The following GDF7 variants were observed in gnomAD, a reference collection of about 807,000 sequenced individuals.
GDF7 encodes growth/differentiation factor 7.
In GDF7, 12 loss-of-function variants were observed where a neutral mutation model predicts 13.4. That is an observed-to-expected ratio of 0.90 (90% confidence interval 0.57 to 1.45). The LOEUF is 1.45. GDF7 is among the 40% of genes most tolerant of loss of function. The pLI, the probability that GDF7 is intolerant of heterozygous loss-of-function variation, is 0.00. For missense variants in GDF7, 651 were observed against 652.4 expected, an observed-to-expected ratio of 1.00 and a Z score of 0.02; for synonymous variants, 330 against 306.4, an observed-to-expected ratio of 1.08 and a Z score of -0.80.
intron 1 of GDF7, among the ~76,000 whole-genome samples, chr2:20,669,536 G>A (rs1315078937): frequency 6.6e-6 from 1 of 152,250 alleles, no homozygotes; most frequent in African/African-American, 2.4e-5. Context: ...GCCCGCGAAG[G>A]GACAGACAGG....
rs56353595 is a variant in GDF7 at position 20,671,638 on chromosome 2, T to C, written c.*213T>C. On this transcript the variant is annotated 3_prime_UTR_variant, in exon 2 of 2. Transcript: ENST00000272224. ...GTGAAAGCCTTGGGAAGAGATGACC[T>C]GCCGGTACCGAATGTCAAAGCCCTG... is the stretch of plus-strand genomic sequence containing the variant. The C allele has an allele frequency of 0.26, 152,114 of 580,384 alleles. 21,797 individuals carry two copies. The highest frequency in any genetic ancestry group is 0.33 in the Middle Eastern group (701 of 2,156). The allele number at this position is 580,384 out of a possible 1,614,324, so 36.0% of individuals were successfully genotyped here.
At chr2:20,668,836 G>A (rs1338718121) in intron 1 of GDF7, among the ~76,000 whole-genome samples, 2 of 152,192 alleles carry the variant, frequency 1.3e-5, no homozygotes, top group East Asian at 1.9e-4. Context: ...CTTCTCTGAC[G>A]GCCTGACATG....
rs1055604895 is a variant in GDF7 at position 20,678,888 on chromosome 2, A to T, written c.*7463A>T. On this transcript the variant is annotated 3_prime_UTR_variant, in exon 2 of 2. Coordinates refer to ENST00000272224, the MANE Select transcript of GDF7 (RefSeq NM_182828.4). Reference sequence around the variant, plus strand: ...GCAAACTGAAATCTCCTTCATCAGCAGTCTTCCTGCTGGTGTAGCCACAGC... The same window carrying T: ...GCAAACTGAAATCTCCTTCATCAGCTGTCTTCCTGCTGGTGTAGCCACAGC... The T allele has an allele frequency of 6.6e-6, 1 of 152,218 alleles. No individual in the cohort carries two copies. The highest frequency in any genetic ancestry group is 2.4e-5 in the African/African-American group (1 of 41,438). The allele number at this position is 152,218 out of a possible 1,614,324, so 9.4% of individuals were successfully genotyped here. A position where few individuals can be genotyped will look rare whatever the true frequency, so the allele number is the denominator to read the frequency against.
In GDF7 at chr2:20,671,381, A is replaced by T; in HGVS notation, c.1309A>T (p.Lys437Ter). The T allele has an allele frequency of 6.2e-7, 1 of 1,612,888 alleles. No homozygotes were observed. Among genetic ancestry groups the T allele is most frequent in the African/African-American group, 1.3e-5 (1 of 74,998 alleles). Reference sequence around the variant, plus strand: ...CGACGCCGCCAACAACGTTGTCTACAAGCAATACGAGGACATGGTGGTGGA... The same window carrying T: ...CGACGCCGCCAACAACGTTGTCTACTAGCAATACGAGGACATGGTGGTGGA... ...YIDAANNVVY[K>*]QYEDMVVEAC... The change falls in exon 2 of 2, where the codon AAG (lysine) becomes TAG (stop). Residue 437 changes from lysine to a stop codon, truncating the protein, a stop_gained. Transcript: ENST00000272224. LOFTEE classifies it high-confidence loss of function.
Position 20,670,883 on chromosome 2 carries a change from T to A in GDF7, c.811T>A (p.Ser271Thr). 1 of 1,540,136 alleles carries A rather than the reference T, an allele frequency of 6.5e-7. No homozygotes were observed. The highest frequency in any genetic ancestry group is 8.7e-7 in the Non-Finnish European group (1 of 1,152,384). Reference protein sequence around the residue: ...AAEERAVLVVSSRTQRKESLF... With the variant: ...AAEERAVLVVTSRTQRKESLF... The stretch of plus-strand genomic sequence containing the variant: ...AGAGGAGCGCGCGGTGCTAGTCGTC[T>A]CCTCCCGCACGCAGAGGAAAGAGAG... Residue 271 changes from serine (S) to threonine (T), a missense_variant, in exon 2 of 2, where the codon TCC (serine) becomes ACC (threonine). Physicochemically the swap from Ser to Thr is moderately conservative, Grantham distance 58. Around this residue, in one of 4 missense-constraint regions of GDF7, gnomAD observed 487 missense variants for 445.9 expected, o/e 1.09. Coordinates refer to ENST00000272224, the MANE Select transcript of GDF7 (RefSeq NM_182828.4).
chr2:20,670,746 G>GCC lies in GDF7; in HGVS notation c.681_682dup (p.Arg228ProfsTer42). The GCC allele has an allele frequency of 2.0e-6, 3 of 1,479,004 alleles. No homozygotes were observed. Among genetic ancestry groups the GCC allele is most frequent in the Admixed American group, 2.3e-5 (1 of 44,156 alleles). The allele number at this position is 1,479,004 out of a possible 1,614,324, so 91.6% of individuals were successfully genotyped here. A position where few individuals can be genotyped will look rare whatever the true frequency, so the allele number is the denominator to read the frequency against. ...ATGAGGCGCCACCGTCGTGAACCGC[G>GCC]CCCCCCCCGCGCGTTCTGCCTCTTG... On this transcript the variant is annotated frameshift_variant, in exon 2 of 2. Coordinates refer to ENST00000272224, the MANE Select transcript of GDF7 (RefSeq NM_182828.4). LOFTEE classifies it low-confidence loss of function (END_TRUNC).
At position 20,670,942 on chromosome 2, in the gene GDF7, G is replaced by T. The variant is rs755785710; in HGVS notation, c.870G>T (p.Ala290=). Residue 290 remains alanine (A), a synonymous_variant, in exon 2 of 2, where the codon GCG becomes GCT. Coordinates refer to ENST00000272224, the MANE Select transcript of GDF7 (RefSeq NM_182828.4). ...GGGAGATCCGCGCCCAGGCCCGCGC[G>T]CTCGGGGCCGCTCTGGCCTCAGAGC... The part of the protein sequence containing the change: ...LFREIRAQAR[A]LGAALASEPL... 1 of 1,567,878 alleles carries T rather than the reference G, an allele frequency of 6.4e-7. No individual in the cohort carries two copies. The highest frequency in any genetic ancestry group is 2.4e-5 in the East Asian group (1 of 42,144).
rs1695979437 is a variant in GDF7 at position 20,667,316 on chromosome 2, C to T, written c.77C>T (p.Ala26Val). The change falls in exon 1 of 2, where the codon GCC (alanine) becomes GTC (valine). Residue 26 changes from alanine (A) to valine (V), a missense_variant. Transcript: ENST00000272224. The surrounding 1 kb of genome is among the most constrained non-coding windows in gnomAD (Gnocchi z 6.4). ...CGCCCCCGCGACGGGCTGGAAGCGG[C>T]CGCCGTGCTGCGAGCGGCGGGGGCT... is the stretch of plus-strand genomic sequence containing the variant. ...ACRPRDGLEA[A>V]AVLRAAGAGP... 1 of 1,116,946 alleles carries T rather than the reference C, an allele frequency of 9.0e-7. No homozygotes were observed. Among genetic ancestry groups the T allele is most frequent in the Non-Finnish European group, 1.1e-6 (1 of 914,198 alleles). 69.2% of individuals were successfully genotyped at this position (1,116,946 alleles called of 1,614,324 possible).
chr2:20,670,917 G>A lies in GDF7; in HGVS notation c.845G>A (p.Arg282Gln), dbSNP rs368425605. 2.6e-6 allele frequency: 4 copies of A among 1,567,384 alleles called. No individual in the cohort carries two copies. The highest frequency in any genetic ancestry group is 1.2e-5 in the South Asian group (1 of 86,742). The stretch of plus-strand genomic sequence containing the variant: ...ACGCAGAGGAAAGAGAGCTTATTCC[G>A]GGAGATCCGCGCCCAGGCCCGCGCG... ...SRTQRKESLF[R>Q]EIRAQARALG... Residue 282 changes from arginine (R) to glutamine (Q), a missense_variant, in exon 2 of 2, where the codon CGG becomes CAG. Transcript: ENST00000272224.
rs1662150852 is a variant in GDF7 at position 20,672,609 on chromosome 2, G to A, written c.*1184G>A. On this transcript the variant is annotated 3_prime_UTR_variant, in exon 2 of 2. Coordinates refer to ENST00000272224, the MANE Select transcript of GDF7 (RefSeq NM_182828.4). Reference sequence around the variant, plus strand: ...GTTGTTGGCAGTGTGATAGTAACGGGAAGTGAAGCCACTCAAAAATGCTTT... The same window carrying A: ...GTTGTTGGCAGTGTGATAGTAACGGAAAGTGAAGCCACTCAAAAATGCTTT... The A allele has an allele frequency of 6.6e-6, 1 of 152,278 alleles. No individual in the cohort carries two copies. The highest frequency in any genetic ancestry group is 1.5e-5 in the Non-Finnish European group (1 of 68,074). 9.4% of individuals were successfully genotyped at this position (152,278 alleles called of 1,614,324 possible).
Position 20,671,813 on chromosome 2 carries a change from G to A in GDF7, c.*388G>A, listed in dbSNP as rs1378097094. The A allele has an allele frequency of 4.0e-6, 1 of 249,978 alleles. No homozygotes were observed. Among genetic ancestry groups the A allele is most frequent in the Non-Finnish European group, 7.8e-6 (1 of 127,570 alleles). 15.5% of individuals were successfully genotyped at this position (249,978 alleles called of 1,614,324 possible). A position where few individuals can be genotyped will look rare whatever the true frequency, so the allele number is the denominator to read the frequency against. ...GTTCCAGAATGGGAGAACCAAAGGG[G>A]TACTCGAGCATGCTTTATCTCACCC... is the stretch of plus-strand genomic sequence containing the variant. On this transcript the variant is annotated 3_prime_UTR_variant, in exon 2 of 2. Coordinates refer to ENST00000272224, the MANE Select transcript of GDF7 (RefSeq NM_182828.4).
Position 20,672,094 on chromosome 2 carries a change from G to GGTC in GDF7, c.*671_*673dup, listed in dbSNP as rs1662135714. ...GTGGAGCTTCCCAGATTTCTGCAAA[G>GGTC]GTCGGTACCGCCACCCCCCCCCCCC... On this transcript the variant is annotated 3_prime_UTR_variant, in exon 2 of 2. Transcript: ENST00000272224. The GGTC allele has an allele frequency of 7.0e-6, 1 of 142,842 alleles. No individual in the cohort carries two copies. The highest frequency in any genetic ancestry group is 1.5e-5 in the Non-Finnish European group (1 of 67,042). The allele number at this position is 142,842 out of a possible 1,614,324, so 8.8% of individuals were successfully genotyped here.
chr2:20,667,252 G>A lies in GDF7; in HGVS notation c.13G>A (p.Ala5Thr). MDLS[A>T]AAALCLWLLS... ...GCCCACGGAGCCCATGGACCTGAGCGCCGCCGCCGCGCTGTGCCTTTGGCT... is the reference window on the plus strand; with the variant it reads ...GCCCACGGAGCCCATGGACCTGAGCACCGCCGCCGCGCTGTGCCTTTGGCT... Residue 5 changes from alanine (A) to threonine (T), a missense_variant, in exon 1 of 2, where the codon GCC becomes ACC. Physicochemically the swap from Ala to Thr is moderately conservative, Grantham distance 58. Transcript: ENST00000272224. This position sits in a 1 kb window ranked among gnomAD's most constrained non-coding sequence, Gnocchi z 6.4. 1 of 1,231,014 alleles carries A rather than the reference G, an allele frequency of 8.1e-7. No individual in the cohort carries two copies. Among genetic ancestry groups the A allele is most frequent in the Non-Finnish European group, 1.0e-6 (1 of 979,240 alleles). 76.3% of individuals were successfully genotyped at this position (1,231,014 alleles called of 1,614,324 possible).
At chr2:20,669,392 G>A (rs994308979) in intron 1 of GDF7, among the ~76,000 whole-genome samples, 2 of 152,014 alleles carry the variant, frequency 1.3e-5, no homozygotes, top group African/African-American at 4.8e-5. Flanking sequence ...TTCAAAGGGA[G>A]CTCCTTATCT....
intron 1 of GDF7, among the ~76,000 whole-genome samples, chr2:20,670,239 C>T (rs1013104789): frequency 1.6e-4 from 24 of 152,188 alleles, no homozygotes; most frequent in African/African-American, 5.6e-4. Flanking sequence ...GCTTGCTAAA[C>T]CAAAGCTCGG....
Position 20,670,803 on chromosome 2 carries a change from C to G in GDF7, c.731C>G (p.Pro244Arg). The G allele has an allele frequency of 6.7e-7, 1 of 1,489,540 alleles. No homozygotes were observed. Among genetic ancestry groups the G allele is most frequent in the South Asian group, 1.3e-5 (1 of 77,770 alleles). The allele number at this position is 1,489,540 out of a possible 1,614,324, so 92.3% of individuals were successfully genotyped here. A position where few individuals can be genotyped will look rare whatever the true frequency, so the allele number is the denominator to read the frequency against. The change falls in exon 2 of 2, where the codon CCG (proline) becomes CGG (arginine). Residue 244 changes from proline to arginine, a missense_variant. Physicochemically the swap from Pro to Arg is moderately radical, Grantham distance 103 (BLOSUM62 -2). Around this residue, in one of 4 missense-constraint regions of GDF7, gnomAD observed 487 missense variants for 445.9 expected, o/e 1.09. Transcript: ENST00000272224. Reference protein sequence around the residue: ...LRAVAGPVPSPLALRRLGFGW... With the variant: ...LRAVAGPVPSRLALRRLGFGW... ...GCAGTGGCAGGCCCGGTGCCGAGCC[C>G]GTTGGCACTGCGGCGGCTGGGCTTC...
At position 20,670,670 on chromosome 2, in the gene GDF7, G is replaced by A. The variant is rs1662101246; in HGVS notation, c.598G>A (p.Ala200Thr). 6.6e-7 allele frequency: 1 copy of A among 1,526,446 alleles called. No individual in the cohort carries two copies. Among genetic ancestry groups the A allele is most frequent in the South Asian group, 1.2e-5 (1 of 81,354 alleles). 94.6% of individuals were successfully genotyped at this position (1,526,446 alleles called of 1,614,324 possible). The change falls in exon 2 of 2, where the codon GCT (alanine) becomes ACT (threonine). Residue 200 changes from alanine to threonine, a missense_variant. Ala to Thr is a moderately conservative substitution (Grantham distance 58). Coordinates refer to ENST00000272224, the MANE Select transcript of GDF7 (RefSeq NM_182828.4). The part of the protein sequence containing the change: ...RAPRLLYSRA[A>T]EPLVGQRWEA... ...GCCACGCCTGCTGTACTCGCGGGCA[G>A]CTGAGCCCCTAGTCGGTCAGCGCTG...
intron 1 of GDF7, among the ~76,000 whole-genome samples, chr2:20,670,258 T>G (rs1865679): frequency 1 from 152,252 of 152,334 alleles, 76,085 homozygotes; most frequent in Non-Finnish European, 1. Context: ...GGTTCGGATA[T>G]CCCGGGCGAA....
Position 20,671,327 on chromosome 2 carries a change from C to G in GDF7, c.1255C>G (p.Arg419Gly). 1 of 1,613,610 alleles carries G rather than the reference C, an allele frequency of 6.2e-7. No individual in the cohort carries two copies. The highest frequency in any genetic ancestry group is 8.5e-7 in the Non-Finnish European group (1 of 1,179,936). ...GCCGGCCTCCTGCTGTGTGCCAGCG[C>G]GCCTCAGCCCCATCAGCATCCTCTA... ...AAPASCCVPA[R>G]LSPISILYID... The change falls in exon 2 of 2, where the codon CGC (arginine) becomes GGC (glycine). Residue 419 changes from arginine (R) to glycine (G), a missense_variant. Arg to Gly is a moderately radical substitution (Grantham distance 125). This residue lies in a region of GDF7 where 101 missense variants were observed against 139.2 expected (regional missense o/e 0.73). Transcript: ENST00000272224.
Sources: gnomAD v4.1 joint callset for allele counts (sites outside exome capture counted in the v4.1 genomes callset) on GRCh38, gnomAD v4.1.1 for gene constraint, gnomAD v4.1.1 regional missense constraint, Gnocchi (gnomAD v3.1) non-coding constraint, MANE v1.5 for transcripts, NCBI Gene and HGNC (gene_info 2026-07-23, HGNC 2026-07-21) for gene names.